CCDC91: variants seen among roughly 807,000 people sequenced by gnomAD.
The protein encoded by CCDC91 is coiled-coil domain-containing protein 91.
In CCDC91, 48 loss-of-function variants were observed where a neutral mutation model predicts 63.2. The ratio of observed to expected loss-of-function variants is 0.76; its 90% CI spans 0.60 to 0.97. CCDC91 has a LOEUF of 0.97. Ranked by LOEUF, CCDC91 falls within the 50% of genes least tolerant of loss-of-function variation. The pLI, the probability that CCDC91 is intolerant of heterozygous loss-of-function variation, is 0.00. For synonymous variants in CCDC91, 167 were observed against 165.8 expected (o/e 1.01, Z -0.06); for missense variants, 500 against 494.6 (o/e 1.01, Z -0.10).
At chr12:28,449,060 A>C (rs1463230737) in intron 8 of CCDC91, among the ~76,000 whole-genome samples, 1 of 152,072 alleles carries the variant, frequency 6.6e-6, no homozygotes, top group African/African-American at 2.4e-5. Context: ...TTTGTATCAC[A>C]GTTTGGATTT....
At chr12:28,449,591 A>C (rs573177246) in intron 8 of CCDC91, among the ~76,000 whole-genome samples, 2 of 152,130 alleles carry the variant, frequency 1.3e-5, no homozygotes, top group East Asian at 3.9e-4. Flanking sequence ...TAGATACATT[A>C]ACTTTATACA....
At chr12:28,450,876 A>G (rs1013559217) in intron 10 of CCDC91, among the ~76,000 whole-genome samples, 1 of 151,770 alleles carries the variant, frequency 6.6e-6, no homozygotes, top group Non-Finnish European at 1.5e-5. Flanking sequence ...TAGCAAACAA[A>G]TATTGAATGT....
chr12:28,258,507 C>G (rs1043503038), intron 2 of CCDC91, among the ~76,000 whole-genome samples: 1 of 151,902 alleles, frequency 6.6e-6, no homozygotes, highest in African/African-American at 2.4e-5. Flanking sequence ...TACAGGTTAA[C>G]CAGTGTTACA....
At chr12:28,305,412 T>C (rs149759589) in intron 3 of CCDC91, among the ~76,000 whole-genome samples, 94 of 152,168 alleles carry the variant, frequency 6.2e-4, no homozygotes, top group Admixed American at 1.0e-3. Flanking sequence ...TAAAACTATT[T>C]TGTTTGCCTG....
intron 1 of CCDC91, among the ~76,000 whole-genome samples, chr12:28,208,967 ATT>A (rs879802005): frequency 6.9e-6 from 1 of 145,296 alleles, no homozygotes. Context: ...TGCCCGGCTA[ATT>A]TTTTTTTTTT....
At chr12:28,448,001 G>C (rs1212739844) in intron 8 of CCDC91, among the ~76,000 whole-genome samples, 1 of 152,026 alleles carries the variant, frequency 6.6e-6, no homozygotes, top group Non-Finnish European at 1.5e-5. Context: ...CTCTTATTCT[G>C]TTACAGCCAA....
At chr12:28,433,034 A>G (rs1350618119) in intron 8 of CCDC91, among the ~76,000 whole-genome samples, 1 of 151,938 alleles carries the variant, frequency 6.6e-6, no homozygotes, top group African/African-American at 2.4e-5. Flanking sequence ...GAGCTGCTAA[A>G]GTCTTTTACC....
intron 10 of CCDC91, among the ~76,000 whole-genome samples, chr12:28,452,052 AAT>A (rs1384645775): frequency 6.6e-6 from 1 of 151,460 alleles, no homozygotes; most frequent in African/African-American, 2.4e-5. Flanking sequence ...TTTTTCATAA[AAT>A]ATATTATTTG....
At chr12:28,252,005 G>C (rs773597507) in intron 1 of CCDC91, among the ~76,000 whole-genome samples, 3 of 152,070 alleles carry the variant, frequency 2.0e-5, no homozygotes, top group African/African-American at 7.2e-5. Context: ...AGACTTTACA[G>C]GTGTGAACAT....
intron 3 of CCDC91, chr12:28,302,632 G>A: frequency 1.0e-6 from 1 of 983,576 alleles, no homozygotes; most frequent in South Asian, 4.7e-5. Flanking sequence ...GGGAATGTTA[G>A]TAGTATGGTG....
intron 6 of CCDC91, among the ~76,000 whole-genome samples, chr12:28,335,366 T>C (rs1941886340): frequency 7.6e-6 from 1 of 131,386 alleles, no homozygotes. Context: ...TATATTCACA[T>C]ATAAAATATA....
chr12:28,243,540 T>C (rs1945492089), intron 1 of CCDC91, among the ~76,000 whole-genome samples: 1 of 152,160 alleles, frequency 6.6e-6, no homozygotes, highest in Admixed American at 6.5e-5. Flanking sequence ...AAATTTTAAA[T>C]TAACATTTGT....
At chr12:28,247,682 G>A (rs1278195979) in intron 1 of CCDC91, among the ~76,000 whole-genome samples, 5 of 152,098 alleles carry the variant, frequency 3.3e-5, no homozygotes, top group Admixed American at 2.6e-4. Context: ...CCTTGCTTAG[G>A]GTGAAAGTAT....
intron 8 of CCDC91, among the ~76,000 whole-genome samples, chr12:28,432,443 T>C (rs1478082646): frequency 6.6e-6 from 1 of 152,054 alleles, no homozygotes. Context: ...ATGGTAGTTT[T>C]TCCTGCATGC....
chr12:28,395,024 T>TAAACA (rs1946203788), intron 8 of CCDC91, among the ~76,000 whole-genome samples: 1 of 152,234 alleles, frequency 6.6e-6, no homozygotes, highest in Non-Finnish European at 1.5e-5. Flanking sequence ...TAGCTAAGAC[T>TAAACA]GTTTGTATAG....
intron 3 of CCDC91, among the ~76,000 whole-genome samples, chr12:28,286,535 A>G (rs1183446455): frequency 6.6e-6 from 1 of 152,240 alleles, no homozygotes; most frequent in Non-Finnish European, 1.5e-5. Flanking sequence ...TGCAAAGGAC[A>G]TGATCTCATT....
At chr12:28,445,472 C>T (rs1243846939) in intron 8 of CCDC91, among the ~76,000 whole-genome samples, 1 of 152,152 alleles carries the variant, frequency 6.6e-6, no homozygotes, top group Non-Finnish European at 1.5e-5. Flanking sequence ...GTAATCTTAG[C>T]TTATTGAGGT....
At chr12:28,206,618 T>A (rs1459899878) in intron 1 of CCDC91, among the ~76,000 whole-genome samples, 1 of 152,168 alleles carries the variant, frequency 6.6e-6, no homozygotes, top group Non-Finnish European at 1.5e-5. Context: ...CTTAACTAAG[T>A]AGTTTTTTCA....
intron 6 of CCDC91, among the ~76,000 whole-genome samples, chr12:28,346,456 A>T (rs1374186548): frequency 6.6e-6 from 1 of 152,206 alleles, no homozygotes. Context: ...TTTTAAGTAT[A>T]AAATAGTGCT....
Sources: gnomAD v4.1 joint callset for allele counts (sites outside exome capture counted in the v4.1 genomes callset) on GRCh38, gnomAD v4.1.1 for gene constraint, MANE v1.5 for transcripts, NCBI Gene and HGNC (gene_info 2026-07-23, HGNC 2026-07-21) for gene names.